PRKAR1A: variants seen among roughly 807,000 people sequenced by gnomAD.
PRKAR1A encodes the protein cAMP-dependent protein kinase type I-alpha regulatory subunit.
Under a neutral mutation model 52.0 loss-of-function variants are expected in PRKAR1A, and 3 were observed. That is an observed-to-expected ratio of 0.06 (90% CI 0.03 to 0.15). PRKAR1A has a LOEUF of 0.15. PRKAR1A is among the 10% of genes least tolerant of loss of function. The pLI is 1.00. For missense variants in PRKAR1A, 240 were observed against 477.4 expected (o/e 0.50, Z 4.63); for synonymous variants, 188 against 168.4 (o/e 1.12, Z -0.90).
At chr17:68,487,199 T>G in the PRKAR1A span, among the ~76,000 whole-genome samples, 6 of 152,312 alleles carry the variant, frequency 3.9e-5, no homozygotes, top group Admixed American at 3.9e-4. Flanking sequence ...AAGACATTCA[T>G]GTACACACAT....
chr17:68,537,495 C>T (rs1487180186), downstream of PRKAR1A: 1 of 1,614,004 alleles, frequency 6.2e-7, no homozygotes, highest in East Asian at 2.2e-5. This position sits in a 1 kb window ranked among gnomAD's most constrained non-coding sequence, Gnocchi z 4.2. Context: ...TCAAGTTAGC[C>T]TGGCCAGAGT....
chr17:68,473,527 T>G, the PRKAR1A span, among the ~76,000 whole-genome samples: 1 of 152,208 alleles, frequency 6.6e-6, no homozygotes, highest in East Asian at 1.9e-4. Flanking sequence ...ATTTATTTAT[T>G]TATTTATTTA....
chr17:68,433,760 G>GTTTTTTTTTTTTTTTT, the PRKAR1A span, among the ~76,000 whole-genome samples: 4 of 72,822 alleles, frequency 5.5e-5, no homozygotes, highest in African/African-American at 2.0e-4. Flanking sequence ...AAGGGTCATA[G>GTTTTTTTTTTTTTTTT]TTTTTTTTTT....
the PRKAR1A span, among the ~76,000 whole-genome samples, chr17:68,472,890 AG>A: frequency 2.6e-5 from 4 of 152,150 alleles, no homozygotes; most frequent in Middle Eastern, 3.2e-3. Flanking sequence ...GGTTGCAGTG[AG>A]CCAAGATCAT....
At chr17:68,476,950 G>A in the PRKAR1A span, among the ~76,000 whole-genome samples, 4 of 152,050 alleles carry the variant, frequency 2.6e-5, no homozygotes, top group Admixed American at 1.3e-4. Context: ...GTGAGCCACC[G>A]TGCTCGGCCG....
At chr17:68,485,541 T>A in the PRKAR1A span, among the ~76,000 whole-genome samples, 18 of 152,188 alleles carry the variant, frequency 1.2e-4, no homozygotes, top group Non-Finnish European at 2.6e-4. Flanking sequence ...TCTGCTTTCC[T>A]CCCTGTGTTT....
chr17:68,523,031 T>G (rs1025212447), intron 3 of PRKAR1A, 105 bp downstream of exon 3: 44 of 1,368,456 alleles, frequency 3.2e-5, no homozygotes, highest in Non-Finnish European at 3.0e-6. Flanking sequence ...AGGGTGGAAC[T>G]TCATCCATCC....
the PRKAR1A span, among the ~76,000 whole-genome samples, chr17:68,473,033 C>G: frequency 3.9e-5 from 6 of 152,250 alleles, no homozygotes; most frequent in South Asian, 1.2e-3. Flanking sequence ...AATTCATTCA[C>G]TAGGTCATCG....
chr17:68,511,273 C>T (rs760723169), upstream of PRKAR1A, among the ~76,000 whole-genome samples: 43 of 152,144 alleles, frequency 2.8e-4, no homozygotes, highest in South Asian at 2.1e-4. Flanking sequence ...CTAAAGCAGC[C>T]CCTAGCCAGA....
At chr17:68,527,778 T>A in intron 7 of PRKAR1A, 62 bp from the exon 8 acceptor site, 1 of 1,300,956 alleles carries the variant, frequency 7.7e-7, no homozygotes, top group Non-Finnish European at 1.1e-6. Context: ...TATTATTCCA[T>A]AGCATTATGT....
intron 11 of PRKAR1A, chr17:68,542,615 G>T: frequency 9.3e-7 from 1 of 1,076,010 alleles, no homozygotes; most frequent in Non-Finnish European, 1.4e-6. Context: ...AGGGTGTCAG[G>T]CCACTGATGA....
the PRKAR1A span, chr17:68,426,253 G>GGGGGGGGGGGGGGGT: frequency 1.2e-6 from 1 of 841,018 alleles, no homozygotes; most frequent in Non-Finnish European, 1.9e-6. Flanking sequence ...GGGGAGCGGG[G>GGGGGGGGGGGGGGGT]GCTCAAATAA....
At chr17:68,435,667 T>C in the PRKAR1A span, 2 of 1,614,134 alleles carry the variant, frequency 1.2e-6, no homozygotes, top group Non-Finnish European at 1.7e-6. Context: ...TTGAAGGTGA[T>C]GGCAGCTAGT....
At chr17:68,528,836 A>C in intron 8 of PRKAR1A, 34 bp from the exon 9 acceptor site, 2 of 1,612,420 alleles carry the variant, frequency 1.2e-6, no homozygotes, top group South Asian at 2.2e-5. Flanking sequence ...GCACCAAATA[A>C]TACAGAGCAG....
At chr17:68,518,151 G>A (rs960619689) in intron 2 of PRKAR1A, among the ~76,000 whole-genome samples, 5 of 152,218 alleles carry the variant, frequency 3.3e-5, no homozygotes, top group African/African-American at 1.2e-4. Flanking sequence ...CCATGGGCAG[G>A]CATTGAGAGT....
At chr17:68,479,558 A>G in the PRKAR1A span, among the ~76,000 whole-genome samples, 1 of 152,208 alleles carries the variant, frequency 6.6e-6, no homozygotes, top group African/African-American at 2.4e-5. Context: ...ATTTTTAAAA[A>G]TGTACTTCAT....
chr17:68,511,412 A>G (rs1491000055), upstream of PRKAR1A, among the ~76,000 whole-genome samples: 1 of 151,938 alleles, frequency 6.6e-6, no homozygotes, highest in Non-Finnish European at 1.5e-5. Context: ...TGGCTGAAAG[A>G]GTAAAGTCGC....
the PRKAR1A span, among the ~76,000 whole-genome samples, chr17:68,500,467 G>A: frequency 1.3e-5 from 2 of 151,864 alleles, no homozygotes; most frequent in East Asian, 3.9e-4. Flanking sequence ...GGAACTGTGA[G>A]TCCATTAAAC....
chr17:68,491,870 C>G, the PRKAR1A span, among the ~76,000 whole-genome samples: 4 of 152,018 alleles, frequency 2.6e-5, no homozygotes, highest in Non-Finnish European at 5.9e-5. Flanking sequence ...GCTTCAAAAG[C>G]CACCAGAAAA....
Sources: gnomAD v4.1 joint callset for allele counts (sites outside exome capture counted in the v4.1 genomes callset) on GRCh38, gnomAD v4.1.1 for gene constraint, Gnocchi (gnomAD v3.1) non-coding constraint, MANE v1.5 for transcripts, NCBI Gene and HGNC (gene_info 2026-07-23, HGNC 2026-07-21) for gene names.